DTNA: variants seen among roughly 807,000 people sequenced by gnomAD.
DTNA encodes the protein dystrobrevin alpha.
In DTNA, 43 loss-of-function variants were observed where a neutral mutation model predicts 100.7. That is an observed-to-expected ratio of 0.43 (90% CI 0.33 to 0.55). DTNA has a LOEUF of 0.55. DTNA is among the 20% of genes least tolerant of loss of function. DTNA has a pLI of 0.04. For synonymous variants in DTNA, 349 were observed against 347.9 expected, an observed-to-expected ratio of 1.00 and a Z score of -0.04; for missense variants, 798 against 953.9, an observed-to-expected ratio of 0.84 and a Z score of 2.15.
chr18:34,708,014 G>A (rs577274794), upstream of DTNA, among the ~76,000 whole-genome samples: 3 of 152,146 alleles, frequency 2.0e-5, no homozygotes, highest in African/African-American at 4.8e-5. Context: ...ATCTTGCAAT[G>A]TGCAACATTC....
chr18:34,540,653 TG>T (rs2044161312), intron 1 of DTNA, among the ~76,000 whole-genome samples: 1 of 152,010 alleles, frequency 6.6e-6, no homozygotes, highest in Non-Finnish European at 1.5e-5. Flanking sequence ...AGAAGATCTG[TG>T]GGAAGTAAAG....
chr18:34,519,789 T>C (rs1214965814), intron 1 of DTNA, among the ~76,000 whole-genome samples: 1 of 152,192 alleles, frequency 6.6e-6, no homozygotes, highest in Non-Finnish European at 1.5e-5. Context: ...ATAAGACTCT[T>C]GTAAATCACG....
At chr18:34,852,007 C>T (rs766749949) in intron 15 of DTNA, 79 bp downstream of exon 15, 8 of 1,390,728 alleles carry the variant, frequency 5.8e-6, no homozygotes, top group Non-Finnish European at 7.1e-6. Flanking sequence ...TTTAAAGTTT[C>T]AGGGCTTTAC....
At chr18:34,603,550 A>G (rs2052400388) in intron 1 of DTNA, among the ~76,000 whole-genome samples, 1 of 152,006 alleles carries the variant, frequency 6.6e-6, no homozygotes, top group African/African-American at 2.4e-5. Flanking sequence ...GTTAAATGGC[A>G]TTGATTTTCA....
At chr18:34,705,169 A>T (rs2081956489) in intron 1 of DTNA, among the ~76,000 whole-genome samples, 1 of 152,160 alleles carries the variant, frequency 6.6e-6, no homozygotes. Flanking sequence ...GCTCTTTTGG[A>T]ATTTTTCCAT....
chr18:34,584,541 G>T (rs148455074), intron 1 of DTNA, among the ~76,000 whole-genome samples: 1,595 of 152,232 alleles, frequency 0.01, 8 homozygotes, highest in Non-Finnish European at 0.017. Context: ...TCTTCTAGAG[G>T]TAGATGACAA....
At chr18:34,576,599 C>T (rs561607370) in intron 1 of DTNA, among the ~76,000 whole-genome samples, 2 of 152,258 alleles carry the variant, frequency 1.3e-5, no homozygotes, top group South Asian at 4.2e-4. Flanking sequence ...GCTGAGATTA[C>T]AGGCACATGC....
chr18:34,566,283 A>T (rs574720351), intron 1 of DTNA, among the ~76,000 whole-genome samples: 122 of 143,416 alleles, frequency 8.5e-4, no homozygotes, highest in African/African-American at 3.1e-3. Context: ...ATTAATCTTT[A>T]AAAAAAAAAA....
In DTNA at chr18:34,771,704, G is replaced by A. The variant is rs148447498; in HGVS notation, c.148+5663G>A. Reference sequence around the variant, plus strand: ...CCAAGTTGATTATTTGATATTCTAGGAGGAATGGAGCAGAACAAAGAATAC... The same window carrying A: ...CCAAGTTGATTATTTGATATTCTAGAAGGAATGGAGCAGAACAAAGAATAC... On this transcript the variant is annotated intron_variant, in intron 3 of 22. Coordinates refer to ENST00000444659, the MANE Select transcript of DTNA (RefSeq NM_001386795.1). Among the ~76,000 whole-genome samples, 563 of 152,272 alleles carry A rather than the reference G, an allele frequency of 3.7e-3. 1 individual carries two copies. Among genetic ancestry groups the A allele is most frequent in the Non-Finnish European group, 6.3e-3 (430 of 68,030 alleles).
intron 2 of DTNA, among the ~76,000 whole-genome samples, chr18:34,763,636 G>T (rs1051086605): frequency 1.7e-4 from 26 of 152,116 alleles, no homozygotes; most frequent in Admixed American, 1.4e-3. Flanking sequence ...ATCAAAGGTA[G>T]TAATAATTGC....
intron 1 of DTNA, among the ~76,000 whole-genome samples, chr18:34,579,759 G>T (rs1042712552): frequency 4.6e-5 from 7 of 152,138 alleles, no homozygotes; most frequent in African/African-American, 1.4e-4. Flanking sequence ...CGTGTTGTTG[G>T]TGGTGGTGGA....
chr18:34,725,320 T>C (rs1424165865), intron 1 of DTNA, among the ~76,000 whole-genome samples: 1 of 150,998 alleles, frequency 6.6e-6, no homozygotes, highest in Non-Finnish European at 1.5e-5. Context: ...ACCTACAGAA[T>C]AGGAGAAAAT....
intron 1 of DTNA, among the ~76,000 whole-genome samples, chr18:34,754,637 T>C (rs2092645699): frequency 3.3e-5 from 5 of 152,180 alleles, no homozygotes; most frequent in Admixed American, 6.6e-5. Context: ...CGTTTATTTT[T>C]AATTGTCAGA....
rs16966095 is a variant in DTNA at position 34,864,202 on chromosome 18, A to G, written c.1743+140A>G. 0.12 allele frequency: 83,625 copies of G among 702,728 alleles called. 5,900 individuals carry two copies. The highest frequency in any genetic ancestry group is 0.23 in the African/African-American group (12,871 of 55,892). 43.5% of individuals were successfully genotyped at this position (702,728 alleles called of 1,614,324 possible). A position where few individuals can be genotyped will look rare whatever the true frequency, so the allele number is the denominator to read the frequency against. ...TTGTTTCAAGCTCAGATGTAAAACAATTTGTTAGACCAGTGTAGCAGTAGC... is the reference window on the plus strand; with the variant it reads ...TTGTTTCAAGCTCAGATGTAAAACAGTTTGTTAGACCAGTGTAGCAGTAGC... On this transcript the variant is annotated intron_variant, in intron 17 of 22. Coordinates refer to ENST00000444659, the MANE Select transcript of DTNA (RefSeq NM_001386795.1).
At chr18:34,728,364 G>A (rs1310420488) in intron 1 of DTNA, among the ~76,000 whole-genome samples, 4 of 151,924 alleles carry the variant, frequency 2.6e-5, no homozygotes, top group Non-Finnish European at 4.4e-5. Flanking sequence ...TCCTGCTGCA[G>A]GTTTGAGAAA....
intron 1 of DTNA, among the ~76,000 whole-genome samples, chr18:34,690,345 C>A (rs1380607441): frequency 2.0e-5 from 3 of 152,184 alleles, no homozygotes; most frequent in Non-Finnish European, 4.4e-5. Context: ...ATAGCACCCT[C>A]CCTCATGGCA....
At chr18:34,495,778 T>C (rs543466810) in intron 1 of DTNA, among the ~76,000 whole-genome samples, 1 of 152,212 alleles carries the variant, frequency 6.6e-6, no homozygotes, top group Admixed American at 6.5e-5. Context: ...GAAATACTTT[T>C]AAAATCTCCA....
chr18:34,510,502 T>C (rs2040955868), intron 1 of DTNA, among the ~76,000 whole-genome samples: 1 of 152,024 alleles, frequency 6.6e-6, no homozygotes, highest in South Asian at 2.1e-4. Context: ...AGTCATTCCA[T>C]ATTATTTACT....
chr18:34,552,225 G>T (rs1034020373), intron 1 of DTNA, among the ~76,000 whole-genome samples: 10 of 151,770 alleles, frequency 6.6e-5, no homozygotes, highest in African/African-American at 9.7e-5. Flanking sequence ...TTAATCTTTT[G>T]AAAGGTGCAT....
Sources: gnomAD v4.1 joint callset for allele counts (sites outside exome capture counted in the v4.1 genomes callset) on GRCh38, gnomAD v4.1.1 for gene constraint, MANE v1.5 for transcripts, NCBI Gene and HGNC (gene_info 2026-07-23, HGNC 2026-07-21) for gene names.